Variants in SCAPER observed in about 807,000 individuals in gnomAD.
The protein encoded by SCAPER is S-phase cyclin A associated protein in the ER, also known as S phase cyclin A-associated protein in the endoplasmic reticulum.
A neutral mutation model predicts 182.2 loss-of-function variants in SCAPER; 98 were observed. The observed-to-expected ratio is 0.54, with a 90% CI of 0.46 to 0.64. The LOEUF (loss-of-function observed/expected upper bound fraction) is 0.64. Among genes scored for constraint, SCAPER ranks in the 30% least tolerant of loss-of-function variants. The pLI is 0.00. For missense variants in SCAPER, 1,432 were observed against 1,690.0 expected (o/e 0.85, Z 2.68); for synonymous variants, 605 against 564.6 (o/e 1.07, Z -1.01).
At chr15:76,810,414 G>GT (rs2066500445) in intron 5 of SCAPER, among the ~76,000 whole-genome samples, 1 of 151,544 alleles carries the variant, frequency 6.6e-6, no homozygotes, top group African/African-American at 2.4e-5. Flanking sequence ...AAGTCAAGGT[G>GT]TTATCAGCTT....
chr15:76,470,239 T>C (rs1213892909), intron 25 of SCAPER, among the ~76,000 whole-genome samples: 1 of 152,196 alleles, frequency 6.6e-6, no homozygotes, highest in East Asian at 1.9e-4. Context: ...ACTTACTTCC[T>C]GTCCTCATCG....
chr15:76,798,637 G>C (rs999972379), intron 7 of SCAPER, among the ~76,000 whole-genome samples: 7 of 152,050 alleles, frequency 4.6e-5, no homozygotes, highest in Non-Finnish European at 1.0e-4. Flanking sequence ...AAAAGCCAAA[G>C]ACAGACAATC....
chr15:76,536,328 TA>T (rs1437844784), intron 23 of SCAPER, among the ~76,000 whole-genome samples: 1 of 151,768 alleles, frequency 6.6e-6, no homozygotes, highest in Non-Finnish European at 1.5e-5. Context: ...ACCTTGTCTT[TA>T]AAAAAAACAC....
In SCAPER at chr15:76,663,455, T is replaced by C. The variant is rs75261407; in HGVS notation, c.2645+2198A>G. On this transcript the variant is annotated intron_variant, in intron 21 of 31. Coordinates refer to ENST00000563290, the MANE Select transcript of SCAPER (RefSeq NM_020843.4). ...ACTTTAAAGGAGCTTTATTTATAAATGTCCCAGATTGGAAACCTAAATGTC... is the reference window on the plus strand; with the variant it reads ...ACTTTAAAGGAGCTTTATTTATAAACGTCCCAGATTGGAAACCTAAATGTC... Among the ~76,000 whole-genome samples the C allele has an allele frequency of 8.1e-3, 1,240 of 152,254 alleles. 13 individuals carry two copies. The highest frequency in any genetic ancestry group is 0.028 in the African/African-American group (1,176 of 41,554).
intron 22 of SCAPER, among the ~76,000 whole-genome samples, chr15:76,607,985 G>C (rs1044568953): frequency 3.3e-5 from 5 of 152,092 alleles, no homozygotes; most frequent in Non-Finnish European, 5.9e-5. Flanking sequence ...GCTCAGAGTA[G>C]TTTGATCGTC....
intron 20 of SCAPER, among the ~76,000 whole-genome samples, chr15:76,696,186 T>C (rs903601172): frequency 1.3e-5 from 2 of 152,224 alleles, no homozygotes; most frequent in African/African-American, 4.8e-5. Context: ...GGCAAACATC[T>C]TGCCACTTCT....
chr15:76,406,030 A>C (rs2044803309), intron 26 of SCAPER, among the ~76,000 whole-genome samples: 1 of 152,174 alleles, frequency 6.6e-6, no homozygotes, highest in Non-Finnish European at 1.5e-5. Flanking sequence ...AAAATTGGGA[A>C]GTATGAAATG....
At chr15:76,367,324 T>G (rs1196780279) in intron 29 of SCAPER, among the ~76,000 whole-genome samples, 2 of 152,234 alleles carry the variant, frequency 1.3e-5, no homozygotes, top group African/African-American at 4.8e-5. Context: ...AGGAGAGGTG[T>G]TCCCTGTGAT....
intron 20 of SCAPER, among the ~76,000 whole-genome samples, chr15:76,670,054 A>G (rs951819162): frequency 4.6e-5 from 7 of 152,188 alleles, no homozygotes; most frequent in African/African-American, 1.7e-4. Context: ...ATACAAAACC[A>G]CATACATCAG....
chr15:76,721,402 G>A lies in SCAPER; in HGVS notation c.2165+7193C>T, dbSNP rs1426321846. On this transcript the variant is annotated intron_variant, in intron 17 of 31. Transcript: ENST00000563290. ...TCTTTTGGCTTAGGATTGACTTGGC[G>A]ATGCGGGCTCTTTTTTGGTTCCATA... Among the ~76,000 whole-genome samples, 30 of 151,704 alleles carry A rather than the reference G, an allele frequency of 2.0e-4. No individual in the cohort carries two copies. In the South Asian group the frequency reaches 5.0e-3, roughly 25 times the overall value.
At chr15:76,610,062 C>A (rs1354754324) in intron 22 of SCAPER, among the ~76,000 whole-genome samples, 1 of 152,136 alleles carries the variant, frequency 6.6e-6, no homozygotes, top group Non-Finnish European at 1.5e-5. Flanking sequence ...AAAATAATTA[C>A]TTTTCCCCTC....
chr15:76,528,308 CCTTT>C (rs1458566644), intron 23 of SCAPER, among the ~76,000 whole-genome samples: 1 of 152,038 alleles, frequency 6.6e-6, no homozygotes, highest in African/African-American at 2.4e-5. Context: ...TCTACTGTTT[CCTTT>C]ACTATATCTA....
intron 23 of SCAPER, among the ~76,000 whole-genome samples, chr15:76,513,842 C>T (rs1304358188): frequency 6.6e-6 from 1 of 152,190 alleles, no homozygotes; most frequent in Non-Finnish European, 1.5e-5. Flanking sequence ...TGTTCAAATG[C>T]TCTCCCAATC....
chr15:76,856,005 G>A, intron 4 of SCAPER: 1 of 174,040 alleles, frequency 5.7e-6, no homozygotes, highest in Non-Finnish European at 1.3e-5. Flanking sequence ...CAATAGCAAA[G>A]AAATGGAATC....
At chr15:76,878,749 G>A (rs2151944986) in intron 2 of SCAPER, among the ~76,000 whole-genome samples, 1 of 152,140 alleles carries the variant, frequency 6.6e-6, no homozygotes, top group South Asian at 2.1e-4. Context: ...GCAACATAGT[G>A]AGATTCTGTC....
intron 5 of SCAPER, among the ~76,000 whole-genome samples, chr15:76,822,368 T>C (rs914438564): frequency 6.6e-6 from 1 of 152,190 alleles, no homozygotes; most frequent in African/African-American, 2.4e-5. Flanking sequence ...GAAGGAAATA[T>C]GTTTAAAAAA....
At chr15:76,777,349 A>G (rs2063803152) in intron 8 of SCAPER, among the ~76,000 whole-genome samples, 1 of 152,204 alleles carries the variant, frequency 6.6e-6, no homozygotes, top group Admixed American at 6.5e-5. Flanking sequence ...CACTAGCAAA[A>G]CTACCTTTAA....
chr15:76,669,376 A>T (rs2056853310), intron 20 of SCAPER, among the ~76,000 whole-genome samples: 1 of 133,196 alleles, frequency 7.5e-6, no homozygotes, highest in Admixed American at 7.5e-5. Context: ...ACACACATAC[A>T]AAAAAACTTA....
intron 29 of SCAPER, among the ~76,000 whole-genome samples, chr15:76,358,673 C>T (rs1275667341): frequency 2.0e-5 from 3 of 152,226 alleles, no homozygotes; most frequent in South Asian, 4.1e-4. Flanking sequence ...ATTTAATTAC[C>T]TCCTAAAAGC....
Sources: gnomAD v4.1 joint callset for allele counts (sites outside exome capture counted in the v4.1 genomes callset) on GRCh38, gnomAD v4.1.1 for gene constraint, MANE v1.5 for transcripts, NCBI Gene and HGNC (gene_info 2026-07-23, HGNC 2026-07-21) for gene names.